Variants in HS6ST3 observed in about 807,000 individuals in gnomAD.
HS6ST3 encodes heparan-sulfate 6-O-sulfotransferase 3.
Under a neutral mutation model 36.7 loss-of-function variants are expected in HS6ST3, and 12 were observed. The observed-to-expected ratio is 0.33, with a 90% CI of 0.21 to 0.53. The LOEUF is 0.53. Among genes scored for constraint, HS6ST3 ranks in the 20% least tolerant of loss-of-function variants. The pLI, the probability that HS6ST3 is intolerant of heterozygous loss-of-function variation, is 0.95. For synonymous variants in HS6ST3, 240 were observed against 257.5 expected, an observed-to-expected ratio of 0.93 and a Z score of 0.65; for missense variants, 584 against 640.9, an observed-to-expected ratio of 0.91 and a Z score of 0.96.
intron 1 of HS6ST3, among the ~76,000 whole-genome samples, chr13:96,694,825 T>C (rs1456006325): frequency 6.6e-6 from 1 of 152,164 alleles, no homozygotes; most frequent in Non-Finnish European, 1.5e-5. Flanking sequence ...TTTTTGGCCG[T>C]GTATATGTCT....
At chr13:96,330,036 T>G (rs968854838) in intron 1 of HS6ST3, among the ~76,000 whole-genome samples, 1 of 150,266 alleles carries the variant, frequency 6.7e-6, no homozygotes, top group African/African-American at 2.4e-5. Flanking sequence ...ATTTGCTTGG[T>G]AGATCTTCCA....
At position 96,833,007 on chromosome 13, in the gene HS6ST3, G is replaced by A. The variant is rs368419692; in HGVS notation, c.1225G>A (p.Glu409Lys). 22 of 1,613,896 alleles carry A rather than the reference G, an allele frequency of 1.4e-5. No individual in the cohort carries two copies. The highest frequency in any genetic ancestry group is 3.3e-5 in the South Asian group (3 of 91,072). Reference protein sequence around the residue: ...DLNFLDMQLYEYAKDLFQQRY... With the variant: ...DLNFLDMQLYKYAKDLFQQRY... ...AAACTTCCTGGACATGCAGCTTTAC[G>A]AGTATGCAAAAGATCTCTTCCAGCA... The change falls in exon 2 of 2, where the codon GAG (glutamate) becomes AAG (lysine). Residue 409 changes from glutamate to lysine, a missense_variant. Glu to Lys is a moderately conservative substitution (Grantham distance 56, BLOSUM62 1). This residue lies in a region of HS6ST3 where 360 missense variants were observed against 411.3 expected (regional missense o/e 0.88). Transcript: ENST00000376705.
At chr13:96,645,517 T>C (rs747715798) in intron 1 of HS6ST3, among the ~76,000 whole-genome samples, 2 of 151,162 alleles carry the variant, frequency 1.3e-5, no homozygotes, top group Admixed American at 6.6e-5. Flanking sequence ...AGGTGAAATA[T>C]AATATTGATT....
At chr13:96,568,620 A>G (rs182761574) in intron 1 of HS6ST3, among the ~76,000 whole-genome samples, 121 of 152,296 alleles carry the variant, frequency 7.9e-4, no homozygotes, top group Middle Eastern at 3.4e-3. Flanking sequence ...CACATATTTC[A>G]TGTTCAGACC....
chr13:96,145,563 A>T (rs1477518408), intron 1 of HS6ST3, among the ~76,000 whole-genome samples: 2 of 152,138 alleles, frequency 1.3e-5, no homozygotes, highest in East Asian at 1.9e-4. Context: ...GCCCTTTGTC[A>T]GATGAGTAGG....
intron 1 of HS6ST3, among the ~76,000 whole-genome samples, chr13:96,508,394 G>A (rs562072560): frequency 1.3e-5 from 2 of 151,940 alleles, no homozygotes; most frequent in African/African-American, 4.8e-5. Context: ...TTCTACAGTA[G>A]CTTTTGGGGC....
chr13:96,245,574 G>C (rs1000124552), intron 1 of HS6ST3, among the ~76,000 whole-genome samples: 1 of 152,118 alleles, frequency 6.6e-6, no homozygotes, highest in Non-Finnish European at 1.5e-5. Flanking sequence ...GCTCCCTACA[G>C]ATTACTGATG....
At chr13:96,709,412 C>A (rs944214904) in intron 1 of HS6ST3, among the ~76,000 whole-genome samples, 1 of 152,150 alleles carries the variant, frequency 6.6e-6, no homozygotes, top group East Asian at 1.9e-4. Context: ...TTCATCTTTG[C>A]GTCCTGGAGG....
intron 1 of HS6ST3, among the ~76,000 whole-genome samples, chr13:96,394,581 G>T (rs1183851812): frequency 6.6e-6 from 1 of 152,112 alleles, no homozygotes; most frequent in Non-Finnish European, 1.5e-5. Context: ...AGGTGTTATG[G>T]ACCGTATCTG....
chr13:96,638,757 A>G (rs1028272211), intron 1 of HS6ST3, among the ~76,000 whole-genome samples: 2 of 151,964 alleles, frequency 1.3e-5, no homozygotes, highest in Non-Finnish European at 2.9e-5. Flanking sequence ...TCTTTTTTAA[A>G]ATAAATTACC....
rs148188538 is a variant in HS6ST3 at position 96,457,953 on chromosome 13, C to T, written c.707+366384C>T. ...GGCTAAGAGTCTATACTACTGGGTT[C>T]GGTAGCTAGTGGATAAGCCTCCTAT... On this transcript the variant is annotated intron_variant, in intron 1 of 1. Transcript: ENST00000376705. Among the ~76,000 whole-genome samples the T allele has an allele frequency of 2.0e-3, 306 of 151,774 alleles. 3 individuals are homozygous for T. The highest frequency in any genetic ancestry group is 1.5e-3 in the Non-Finnish European group (104 of 67,940).
chr13:96,488,020 T>C (rs2055924355), intron 1 of HS6ST3, among the ~76,000 whole-genome samples: 1 of 152,150 alleles, frequency 6.6e-6, no homozygotes, highest in Non-Finnish European at 1.5e-5. Flanking sequence ...GGAAAAAAAT[T>C]ATTTAACTCT....
intron 1 of HS6ST3, among the ~76,000 whole-genome samples, chr13:96,796,888 A>G (rs1052782033): frequency 9.9e-5 from 15 of 152,112 alleles, no homozygotes; most frequent in African/African-American, 2.9e-4. Context: ...CGATCAGGCC[A>G]TAATACAGTG....
At chr13:96,192,309 T>C (rs1457510791) in intron 1 of HS6ST3, among the ~76,000 whole-genome samples, 1 of 152,240 alleles carries the variant, frequency 6.6e-6, no homozygotes, top group East Asian at 1.9e-4. Context: ...TACTTTATTT[T>C]AGATTCAATG....
chr13:96,430,340 T>A (rs2055608667), intron 1 of HS6ST3, among the ~76,000 whole-genome samples: 1 of 152,232 alleles, frequency 6.6e-6, no homozygotes, highest in Non-Finnish European at 1.5e-5. Context: ...TGTCTTTGTC[T>A]GGCAAACTGT....
At chr13:96,501,254 A>G (rs931165872) in intron 1 of HS6ST3, among the ~76,000 whole-genome samples, 1 of 152,184 alleles carries the variant, frequency 6.6e-6, no homozygotes, top group African/African-American at 2.4e-5. Flanking sequence ...AAGGGGTGTC[A>G]ATTCTTGGAG....
chr13:96,351,503 G>C (rs1014581399), intron 1 of HS6ST3, among the ~76,000 whole-genome samples: 1 of 151,918 alleles, frequency 6.6e-6, no homozygotes, highest in Non-Finnish European at 1.5e-5. Context: ...GTAGAGACAG[G>C]GTTTCACTGC....
At chr13:96,831,742 G>T (rs1005124117) in intron 1 of HS6ST3, among the ~76,000 whole-genome samples, 1 of 151,960 alleles carries the variant, frequency 6.6e-6, no homozygotes, top group Non-Finnish European at 1.5e-5. Context: ...ATCAGTTGAG[G>T]TCAGGAGTTC....
At chr13:96,230,225 A>T (rs1255550207) in intron 1 of HS6ST3, among the ~76,000 whole-genome samples, 1 of 152,078 alleles carries the variant, frequency 6.6e-6, no homozygotes, top group Non-Finnish European at 1.5e-5. Flanking sequence ...TTGAAGATGG[A>T]TTGGAGTGGG....
Sources: gnomAD v4.1 joint callset for allele counts (sites outside exome capture counted in the v4.1 genomes callset) on GRCh38, gnomAD v4.1.1 for gene constraint, gnomAD v4.1.1 regional missense constraint, MANE v1.5 for transcripts, NCBI Gene and HGNC (gene_info 2026-07-23, HGNC 2026-07-21) for gene names.